Variants in FGF2 observed in about 807,000 individuals in gnomAD.
The protein encoded by FGF2 is fibroblast growth factor 2, also known as basic fibroblast growth factor bFGF.
In FGF2, 13 loss-of-function variants were observed where a neutral mutation model predicts 15.9. That is an observed-to-expected ratio of 0.82 (90% CI 0.53 to 1.30). The LOEUF (loss-of-function observed/expected upper bound fraction) is 1.30, where lower values mean the gene tolerates loss of function less well. Among genes scored for constraint, FGF2 ranks in the 50% most tolerant of loss-of-function variants. FGF2 has a pLI of 0.00. For synonymous variants in FGF2, 90 were observed against 78.4 expected (o/e 1.15, Z -0.78); for missense variants, 163 against 196.9 (o/e 0.83, Z 1.03).
In FGF2 at chr4:122,897,646, C is replaced by G; in HGVS notation, c.*5250C>G. ...CACCAATATCTTCTTCAGGCTCTGACAGGCCTCCTGGAAACTTCCACATAT... is the reference window on the plus strand; with the variant it reads ...CACCAATATCTTCTTCAGGCTCTGAGAGGCCTCCTGGAAACTTCCACATAT... On this transcript the variant is annotated 3_prime_UTR_variant, in exon 3 of 3. Coordinates refer to ENST00000644866, the MANE Select transcript of FGF2 (RefSeq NM_001361665.2). 1.2e-6 allele frequency: 2 copies of G among 1,610,586 alleles called. No homozygotes were observed. Among genetic ancestry groups the G allele is most frequent in the Non-Finnish European group, 1.7e-6 (2 of 1,176,900 alleles).
At chr4:122,885,913 CTTTTTTTTTTT>C (rs11310783) in intron 2 of FGF2, among the ~76,000 whole-genome samples, 2 of 84,528 alleles carry the variant, frequency 2.4e-5, no homozygotes, top group African/African-American at 6.2e-5. Context: ...TTTTTTTTTC[CTTTTTTTTTTT>C]TTTTTTTTTT....
chr4:122,832,500 G>C (rs1725785146), intron 1 of FGF2, among the ~76,000 whole-genome samples: 1 of 152,194 alleles, frequency 6.6e-6, no homozygotes, highest in Non-Finnish European at 1.5e-5. Flanking sequence ...GTCCACCTCA[G>C]CCTCCCAAAG....
chr4:122,839,380 A>G (rs539097810), intron 1 of FGF2, among the ~76,000 whole-genome samples: 53 of 152,298 alleles, frequency 3.5e-4, no homozygotes, highest in African/African-American at 1.2e-3. Context: ...TAAAACAACA[A>G]CAACAACAAC....
chr4:122,832,877 T>A (rs1725792022), intron 1 of FGF2, among the ~76,000 whole-genome samples: 1 of 152,220 alleles, frequency 6.6e-6, no homozygotes, highest in Non-Finnish European at 1.5e-5. Context: ...CAAGGCCTTT[T>A]AAGCTAGGTT....
intron 1 of FGF2, among the ~76,000 whole-genome samples, chr4:122,859,695 T>C (rs542837830): frequency 6.6e-6 from 1 of 151,382 alleles, no homozygotes; most frequent in South Asian, 2.1e-4. Context: ...ATAACAACTG[T>C]TTCCCATCGT....
intron 1 of FGF2, among the ~76,000 whole-genome samples, chr4:122,855,425 T>G (rs1726319860): frequency 6.6e-6 from 1 of 152,226 alleles, no homozygotes; most frequent in South Asian, 2.1e-4. Flanking sequence ...AACTCACATT[T>G]CAAAATATCA....
chr4:122,888,828 A>G (rs1054818802), intron 2 of FGF2: 3 of 152,138 alleles, frequency 2.0e-5, no homozygotes, highest in Admixed American at 6.5e-5. Context: ...AAGTTTTCTT[A>G]TATTCTAACA....
At chr4:122,848,743 C>T (rs1216619573) in intron 1 of FGF2, among the ~76,000 whole-genome samples, 1 of 152,172 alleles carries the variant, frequency 6.6e-6, no homozygotes, top group Non-Finnish European at 1.5e-5. Context: ...AGCATTATTC[C>T]CCTTTCATGT....
intron 1 of FGF2, among the ~76,000 whole-genome samples, chr4:122,859,356 C>CT (rs1277536516): frequency 6.6e-6 from 1 of 151,974 alleles, no homozygotes; most frequent in Admixed American, 6.6e-5. Context: ...AGGTCTTAGT[C>CT]TTTTTTGCAG....
At chr4:122,874,125 T>C (rs1322842226) in intron 1 of FGF2, among the ~76,000 whole-genome samples, 1 of 152,234 alleles carries the variant, frequency 6.6e-6, no homozygotes, top group Non-Finnish European at 1.5e-5. Flanking sequence ...CCTTGCCTCA[T>C]GGGCATTTGT....
chr4:122,833,112 C>G (rs1350070434), intron 1 of FGF2, among the ~76,000 whole-genome samples: 1 of 152,158 alleles, frequency 6.6e-6, no homozygotes, highest in East Asian at 1.9e-4. Flanking sequence ...ACTCTTCCTG[C>G]ACAAGGTGAC....
At chr4:122,884,024 G>A (rs1727010216) in intron 2 of FGF2, among the ~76,000 whole-genome samples, 1 of 152,088 alleles carries the variant, frequency 6.6e-6, no homozygotes, top group African/African-American at 2.4e-5. Context: ...TATCCAGACT[G>A]ACAATCTATA....
Position 122,892,383 on chromosome 4 carries a change from C to T in FGF2, c.455C>T (p.Ser152Phe), listed in dbSNP as rs779177648. The change falls in exon 3 of 3, where the codon TCT (serine) becomes TTT (phenylalanine). Residue 152 changes from serine to phenylalanine, a missense_variant. Transcript: ENST00000644866. The part of the protein sequence containing the change: ...GQKAILFLPM[S>F]AKS The stretch of plus-strand genomic sequence containing the variant: ...AAAGCTATACTTTTTCTTCCAATGT[C>T]TGCTAAGAGCTGATTTTAATGGCCA... 2 of 1,613,886 alleles carry T rather than the reference C, an allele frequency of 1.2e-6. No homozygotes were observed. Among genetic ancestry groups the T allele is most frequent in the African/African-American group, 1.3e-5 (1 of 74,922 alleles).
At chr4:122,860,775 G>T (rs1726446424) in intron 1 of FGF2, among the ~76,000 whole-genome samples, 1 of 152,028 alleles carries the variant, frequency 6.6e-6, no homozygotes, top group Admixed American at 6.6e-5. Flanking sequence ...ACATATCTGT[G>T]GCACCTTTGT....
intron 1 of FGF2, among the ~76,000 whole-genome samples, chr4:122,871,834 C>CA (rs1726742639): frequency 1.4e-5 from 2 of 141,256 alleles, no homozygotes; most frequent in South Asian, 2.3e-4. Flanking sequence ...TCAACAACAA[C>CA]AAAAAATCCC....
intron 1 of FGF2, among the ~76,000 whole-genome samples, chr4:122,871,188 C>CTGTT (rs45585532): frequency 0.15 from 23,385 of 151,876 alleles, 1,917 homozygotes; most frequent in Middle Eastern, 0.22. Context: ...TTTTGAGAGA[C>CTGTT]TGTTATGATT....
At chr4:122,891,546 G>A (rs920409791) in intron 2 of FGF2, among the ~76,000 whole-genome samples, 1 of 151,284 alleles carries the variant, frequency 6.6e-6, no homozygotes, top group African/African-American at 2.4e-5. Flanking sequence ...AACAGTGTTT[G>A]GAGATTGTTA....
intron 1 of FGF2, among the ~76,000 whole-genome samples, chr4:122,854,947 C>T (rs1436350316): frequency 6.6e-6 from 1 of 152,038 alleles, no homozygotes; most frequent in Non-Finnish European, 1.5e-5. Context: ...CCTTCCCCAC[C>T]CTGTGCCCCT....
At position 122,887,800 on chromosome 4, in the gene FGF2, A is replaced by G. The variant is rs1445928713; in HGVS notation, c.283-4411A>G. On this transcript the variant is annotated intron_variant, in intron 2 of 2. Transcript: ENST00000644866. ...TGTTGCCCCATCACTAACACATGAC[A>G]AATTTATATCACTATCATATGTATA... Among the ~76,000 whole-genome samples, 4 of 152,290 alleles carry G rather than the reference A, an allele frequency of 2.6e-5. No individual in the cohort carries two copies. In the South Asian group the frequency reaches 6.2e-4, roughly 24 times the overall value.
Sources: gnomAD v4.1 joint callset for allele counts (sites outside exome capture counted in the v4.1 genomes callset) on GRCh38, gnomAD v4.1.1 for gene constraint, MANE v1.5 for transcripts, NCBI Gene and HGNC (gene_info 2026-07-23, HGNC 2026-07-21) for gene names.